The following TESPA1 variants were observed in gnomAD, a reference collection of about 807,000 sequenced individuals.
The protein encoded by TESPA1 is thymocyte expressed, positive selection associated 1, also known as protein TESPA1.
Under a neutral mutation model 57.9 loss-of-function variants are expected in TESPA1, and 33 were observed. The ratio of observed to expected loss-of-function variants is 0.57; its 90% CI spans 0.43 to 0.76. TESPA1 has a LOEUF of 0.76. Ranked by LOEUF, TESPA1 falls within the 30% of genes least tolerant of loss-of-function variation. The pLI is 0.00. For missense variants in TESPA1, 618 were observed against 632.9 expected, an observed-to-expected ratio of 0.98 and a Z score of 0.25; for synonymous variants, 227 against 228.9, an observed-to-expected ratio of 0.99 and a Z score of 0.07.
At chr12:54,955,605 A>C (rs1245533625) in intron 10 of TESPA1, among the ~76,000 whole-genome samples, 1 of 152,250 alleles carries the variant, frequency 6.6e-6, no homozygotes, top group Non-Finnish European at 1.5e-5. Context: ...ATTTGACAAC[A>C]GCCATGTAAT....
In TESPA1 at chr12:54,950,094, T is replaced by G. The variant is rs998493609; in HGVS notation, c.*298A>C. 1.3e-5 allele frequency: 4 copies of G among 310,788 alleles called. No homozygotes were observed. Among genetic ancestry groups the G allele is most frequent in the Non-Finnish European group, 2.5e-5 (4 of 157,936 alleles). 19.3% of individuals were successfully genotyped at this position (310,788 alleles called of 1,614,324 possible). On this transcript the variant is annotated 3_prime_UTR_variant, in exon 11 of 11. Coordinates refer to ENST00000449076, the MANE Select transcript of TESPA1 (RefSeq NM_001136030.3). ...GTTCAGTTTACTATCATCCACATTA[T>G]ATATTTTAATACACACATAGTAGAG...
rs192767226 is a variant in TESPA1, at chr12:54,963,261, G to C, written c.656-19C>G. ...AACCTGCCTGGGTACAAGAGTTAAA[G>C]ATGGTAAGTCTGGGGTTCATCAGCA... On this transcript the variant is annotated intron_variant, in intron 8 of 10. Coordinates refer to ENST00000449076, the MANE Select transcript of TESPA1 (RefSeq NM_001136030.3). The C allele has an allele frequency of 1.3e-6, 2 of 1,592,412 alleles. No homozygotes were observed. The highest frequency in any genetic ancestry group is 4.5e-5 in the East Asian group (2 of 44,134).
intron 10 of TESPA1, among the ~76,000 whole-genome samples, chr12:54,950,865 G>C (rs1052872241): frequency 6.6e-6 from 1 of 152,086 alleles, no homozygotes; most frequent in Non-Finnish European, 1.5e-5. Context: ...ACAGGAAAAA[G>C]AGAGAAAGAA....
Position 54,961,208 on chromosome 12 carries a change from G to T in TESPA1, c.1527C>A (p.His509Gln), listed in dbSNP as rs1437774628. ...SQSRWPSRPR[H>Q]PHHHQTFAGK... is the part of the protein sequence containing the mutation. ...CAGCAAAAGTCTGGTGGTGGTGGGG[G>T]TGCCTGGGTCTGCTGGGCCAGCGAC... The change falls in exon 10 of 11, where the codon CAC becomes CAA. Residue 509 changes from histidine to glutamine, a missense_variant. His to Gln is a conservative substitution (Grantham distance 24, BLOSUM62 0). This residue lies in a region of TESPA1 where 409 missense variants were observed against 420.1 expected (regional missense o/e 0.97). Transcript: ENST00000449076. 1 of 1,614,002 alleles carries T rather than the reference G, an allele frequency of 6.2e-7. No homozygotes were observed. Among genetic ancestry groups the T allele is most frequent in the African/African-American group, 1.3e-5 (1 of 75,050 alleles).
chr12:54,952,375 G>A (rs1224968714), intron 10 of TESPA1, among the ~76,000 whole-genome samples: 1 of 152,190 alleles, frequency 6.6e-6, no homozygotes, highest in Admixed American at 6.5e-5. Context: ...CAGTATTTTA[G>A]AAGTACCTTA....
At chr12:54,977,102 C>T (rs1394765221) in intron 1 of TESPA1, among the ~76,000 whole-genome samples, 1 of 151,888 alleles carries the variant, frequency 6.6e-6, no homozygotes, top group East Asian at 1.9e-4. Context: ...CACTAACATA[C>T]CTTACATTTT....
At chr12:54,980,272 T>A (rs1727779646) in intron 1 of TESPA1, among the ~76,000 whole-genome samples, 1 of 152,252 alleles carries the variant, frequency 6.6e-6, no homozygotes. Context: ...ACAGTCTTAG[T>A]GCAGGAAGTG....
At chr12:54,972,341 TAATC>T (rs1383854322) in intron 3 of TESPA1, among the ~76,000 whole-genome samples, 2 of 152,346 alleles carry the variant, frequency 1.3e-5, no homozygotes, top group South Asian at 2.1e-4. Flanking sequence ...GTTATTCAGA[TAATC>T]AGACAGTTAG....
In TESPA1 at chr12:54,953,685, A is replaced by AT. The variant is rs557972186; in HGVS notation, c.*2-3296dup. Among the ~76,000 whole-genome samples the AT allele has an allele frequency of 5.7e-3, 858 of 151,658 alleles. 7 individuals carry two copies. Among genetic ancestry groups the AT allele is most frequent in the African/African-American group, 0.019 (788 of 41,348 alleles). Reference sequence around the variant, plus strand: ...AGGGACCCGCCACTACGCCTGGCTAATTTTTTTTGTATTTTTAGTAGAGAC... The same window carrying AT: ...AGGGACCCGCCACTACGCCTGGCTAATTTTTTTTTGTATTTTTAGTAGAGAC... On this transcript the variant is annotated intron_variant, in intron 10 of 10. Transcript: ENST00000449076.
chr12:54,970,105 G>T (rs1448404473), intron 3 of TESPA1, among the ~76,000 whole-genome samples: 2 of 150,822 alleles, frequency 1.3e-5, no homozygotes, highest in Non-Finnish European at 3.0e-5. Context: ...AAAAACTGTT[G>T]TTTTTTTTTC....
At chr12:54,964,983 C>T (rs1055850518) in intron 7 of TESPA1, among the ~76,000 whole-genome samples, 1 of 152,136 alleles carries the variant, frequency 6.6e-6, no homozygotes, top group African/African-American at 2.4e-5. Flanking sequence ...TAAATTTGGT[C>T]ATGTGACAAA....
intron 3 of TESPA1, among the ~76,000 whole-genome samples, chr12:54,970,234 G>C (rs1951747009): frequency 1.3e-5 from 2 of 152,152 alleles, no homozygotes; most frequent in Non-Finnish European, 2.9e-5. Flanking sequence ...CATGTGCCTA[G>C]CCTCAGCTAC....
chr12:54,950,382 G>A lies in TESPA1; in HGVS notation c.*10C>T, dbSNP rs1950304927. 1 of 455,402 alleles carries A rather than the reference G, an allele frequency of 2.2e-6. No individual in the cohort carries two copies. Among genetic ancestry groups the A allele is most frequent in the Non-Finnish European group, 4.4e-6 (1 of 226,578 alleles). The allele number at this position is 455,402 out of a possible 1,614,324, so 28.2% of individuals were successfully genotyped here. ...TCAGACCACATGCTGTTGTGGTGGT[G>A]GAGAAAGCCTGCAATGGGAATAAAA... On this transcript the variant is annotated 3_prime_UTR_variant, in exon 11 of 11. Transcript: ENST00000449076.
intron 2 of TESPA1, 50 bp from the exon 3 acceptor site, chr12:54,973,569 C>T: frequency 2.5e-6 from 4 of 1,613,348 alleles, no homozygotes; most frequent in Non-Finnish European, 3.4e-6. Context: ...GAAATCAGAC[C>T]TCCTCCCTGC....
In TESPA1 at chr12:54,966,060, T is replaced by C. The variant is rs535963986; in HGVS notation, c.439A>G (p.Ser147Gly). 14 of 1,571,378 alleles carry C rather than the reference T, an allele frequency of 8.9e-6. No individual in the cohort carries two copies. The highest frequency in any genetic ancestry group is 1.7e-4 in the Middle Eastern group (1 of 6,016). ...SSMTGGTNKT[S>G]SSISEILDKV... ...CCAAACTTCAGTACCTACCTTGAAC[T>C]AGTCTTGTTGGTCCCCCCAGTCATG... The change falls in exon 7 of 11, where the codon AGT becomes GGT. Residue 147 changes from serine (S) to glycine (G), a missense_variant. This residue lies in a region of TESPA1 where 199 missense variants were observed against 184.0 expected (regional missense o/e 1.08). Transcript: ENST00000449076.
chr12:54,965,899 GAAACA>G (rs1951396099), intron 7 of TESPA1, among the ~76,000 whole-genome samples, 149 bp downstream of exon 7: 1 of 152,100 alleles, frequency 6.6e-6, no homozygotes, highest in African/African-American at 2.4e-5. Context: ...CACAATTCTT[GAAACA>G]AATATGGTCA....
chr12:54,953,560 C>T (rs1273709402), intron 10 of TESPA1, among the ~76,000 whole-genome samples: 6 of 146,250 alleles, frequency 4.1e-5, no homozygotes, highest in African/African-American at 1.6e-4. Flanking sequence ...CTCTGTCGCC[C>T]ACGCTAGAGT....
intron 1 of TESPA1, among the ~76,000 whole-genome samples, chr12:54,975,819 C>A (rs568411465): frequency 1.2e-3 from 181 of 152,276 alleles, no homozygotes; most frequent in African/African-American, 4.3e-3. Context: ...TTGAAAAGAA[C>A]ATCCTGAACA....
intron 8 of TESPA1, 106 bp from the exon 9 acceptor site, chr12:54,963,348 C>T: frequency 1.8e-6 from 2 of 1,132,036 alleles, no homozygotes; most frequent in Non-Finnish European, 2.4e-6. Context: ...GGAGAAGCTT[C>T]CAATTTTCCT....
Sources: gnomAD v4.1 joint callset for allele counts (sites outside exome capture counted in the v4.1 genomes callset) on GRCh38, gnomAD v4.1.1 for gene constraint, gnomAD v4.1.1 regional missense constraint, MANE v1.5 for transcripts, NCBI Gene and HGNC (gene_info 2026-07-23, HGNC 2026-07-21) for gene names.